SGSM1: variants seen among roughly 807,000 people sequenced by gnomAD.
The protein encoded by SGSM1 is RUN and TBC1 domain containing 2.
In SGSM1, 73 loss-of-function variants were observed where a neutral mutation model predicts 133.8. That is an observed-to-expected ratio of 0.55 (90% CI 0.45 to 0.66). The LOEUF is 0.66. Among genes scored for constraint, SGSM1 ranks in the 30% least tolerant of loss-of-function variants. The probability of loss-of-function intolerance (pLI) is 0.00; values close to 1 mark genes in which losing one functional copy is unlikely to be tolerated. For synonymous variants in SGSM1, 563 were observed against 573.0 expected (o/e 0.98, Z 0.25); for missense variants, 1,213 against 1,448.1 (o/e 0.84, Z 2.64).
chr22:24,853,769 A>ATT (rs57736929), intron 5 of SGSM1, among the ~76,000 whole-genome samples: 9,852 of 123,182 alleles, frequency 0.08, 974 homozygotes, highest in African/African-American at 0.24. Flanking sequence ...CGCCTGGTGA[A>ATT]TTTTTTTTTT....
intron 11 of SGSM1, 31 bp from the exon 12 acceptor site, chr22:24,868,692 A>G (rs1235549314): frequency 1.9e-6 from 3 of 1,613,098 alleles, no homozygotes; most frequent in African/African-American, 1.3e-5. Context: ...GATGTGTCCC[A>G]AGGACCTTGT....
chr22:24,818,833 A>G (rs1160926482), intron 2 of SGSM1, among the ~76,000 whole-genome samples: 3 of 152,054 alleles, frequency 2.0e-5, no homozygotes, highest in African/African-American at 4.8e-5. Context: ...AGTTCCAATA[A>G]TAATAGCTTT....
At chr22:24,886,345 G>C (rs888888158) in intron 15 of SGSM1, among the ~76,000 whole-genome samples, 4 of 149,968 alleles carry the variant, frequency 2.7e-5, no homozygotes, top group Non-Finnish European at 5.9e-5. Context: ...AGGTTGCAGT[G>C]AGCCAAGATC....
chr22:24,837,901 A>G (rs1460905532), intron 2 of SGSM1, among the ~76,000 whole-genome samples: 12 of 152,272 alleles, frequency 7.9e-5, no homozygotes, highest in Admixed American at 2.6e-4. Flanking sequence ...ATATTCATAT[A>G]TAATCATATC....
At chr22:24,913,910 A>T (rs1164472328) in intron 22 of SGSM1, among the ~76,000 whole-genome samples, 1 of 151,988 alleles carries the variant, frequency 6.6e-6, no homozygotes, top group Non-Finnish European at 1.5e-5. Context: ...TAATCCCAAC[A>T]CTTTGGGAGG....
At position 24,860,912 on chromosome 22, in the gene SGSM1, AAAAAAAAAAAATATATAT is replaced by A. The variant is rs1261331577; in HGVS notation, c.926+1074_926+1091del. Among the ~76,000 whole-genome samples the A allele has an allele frequency of 3.7e-3, 357 of 97,776 alleles. 10 individuals carry two copies. Among genetic ancestry groups the A allele is most frequent in the African/African-American group, 0.017 (346 of 20,706 alleles). 64.1% of individuals were successfully genotyped at this position (97,776 alleles called of 152,430 possible). A position where few individuals can be genotyped will look rare whatever the true frequency, so the allele number is the denominator to read the frequency against. Reference sequence around the variant, plus strand: ...GAGACTGTCTTAAAAAAAAAAAAAAAAAAAAAAAAAATATATATATATATATATATATATATAATTTTG... The same window carrying A: ...GAGACTGTCTTAAAAAAAAAAAAAAAATATATATATATATATATAATTTTG... On this transcript the variant is annotated intron_variant, in intron 9 of 24. Coordinates refer to ENST00000400358, the MANE Select transcript of SGSM1 (RefSeq NM_001098497.3).
chr22:24,852,310 T>C (rs1213849086), intron 5 of SGSM1, among the ~76,000 whole-genome samples: 2 of 152,226 alleles, frequency 1.3e-5, no homozygotes, highest in East Asian at 1.9e-4. Flanking sequence ...TTTTAACGCA[T>C]GTGTAGTTTC....
intron 16 of SGSM1, among the ~76,000 whole-genome samples, chr22:24,887,777 C>T (rs1932701971): frequency 1.3e-5 from 2 of 152,190 alleles, no homozygotes; most frequent in South Asian, 4.1e-4. Context: ...AGAAAATAAA[C>T]TACCACACTT....
chr22:24,816,982 G>A (rs1928128535), intron 2 of SGSM1, among the ~76,000 whole-genome samples: 1 of 152,182 alleles, frequency 6.6e-6, no homozygotes. Flanking sequence ...CAGTCACAGT[G>A]GGATGGATTG....
intron 2 of SGSM1, among the ~76,000 whole-genome samples, chr22:24,821,096 G>C (rs62232197): frequency 0.097 from 14,751 of 152,176 alleles, 1,073 homozygotes; most frequent in East Asian, 0.22. Flanking sequence ...GAGCGCAATG[G>C]CGTGATCTCG....
At chr22:24,808,173 G>A (rs1039553529) in intron 2 of SGSM1, among the ~76,000 whole-genome samples, 4 of 150,324 alleles carry the variant, frequency 2.7e-5, no homozygotes, top group Non-Finnish European at 4.4e-5. Context: ...GAGTACAGTG[G>A]CACAGTCTCC....
At chr22:24,865,428 G>A (rs1174267461) in intron 9 of SGSM1, among the ~76,000 whole-genome samples, 2 of 152,192 alleles carry the variant, frequency 1.3e-5, no homozygotes, top group African/African-American at 4.8e-5. Flanking sequence ...GTGAAGTCTG[G>A]TGAGGCTGAT....
intron 2 of SGSM1, among the ~76,000 whole-genome samples, chr22:24,839,615 G>A (rs1436369530): frequency 6.6e-6 from 1 of 152,012 alleles, no homozygotes; most frequent in Non-Finnish European, 1.5e-5. Context: ...TGTGGTCCTG[G>A]GCTTCTCATT....
intron 10 of SGSM1, 147 bp downstream of exon 10, chr22:24,867,307 G>A (rs937438912): frequency 2.4e-5 from 17 of 695,330 alleles, no homozygotes; most frequent in Middle Eastern, 2.6e-4. Context: ...CGACCTCACC[G>A]CTCTGTGCCT....
At chr22:24,823,476 C>G (rs542338705) in intron 2 of SGSM1, among the ~76,000 whole-genome samples, 42 of 152,042 alleles carry the variant, frequency 2.8e-4, no homozygotes, top group Non-Finnish European at 4.6e-4. Context: ...TGGCAGGTGC[C>G]TGTAGTCCCA....
chr22:24,908,628 C>T (rs1298020496), intron 21 of SGSM1, among the ~76,000 whole-genome samples: 1 of 152,054 alleles, frequency 6.6e-6, no homozygotes, highest in Non-Finnish European at 1.5e-5. Flanking sequence ...TGGTGAAACC[C>T]TGTCTCTACT....
chr22:24,841,338 T>TA (rs1310163923), intron 2 of SGSM1, among the ~76,000 whole-genome samples: 4 of 152,098 alleles, frequency 2.6e-5, no homozygotes, highest in South Asian at 2.1e-4. Context: ...ATCTCATTTT[T>TA]AAAAAAAATG....
chr22:24,862,101 T>C (rs1931190691), intron 9 of SGSM1, among the ~76,000 whole-genome samples: 1 of 151,990 alleles, frequency 6.6e-6, no homozygotes, highest in South Asian at 2.1e-4. Context: ...ATTACAGGCA[T>C]GCACCACCAT....
At chr22:24,916,409 G>A (rs1484371859) in intron 22 of SGSM1, among the ~76,000 whole-genome samples, 4 of 152,130 alleles carry the variant, frequency 2.6e-5, no homozygotes, top group Admixed American at 6.5e-5. Flanking sequence ...AACTTAGTTC[G>A]AGGCCAGGCA....
Sources: allele counts gnomAD v4.1 joint callset (sites outside exome capture counted in the v4.1 genomes callset), GRCh38; gene constraint gnomAD v4.1.1; transcripts MANE v1.5; gene names NCBI Gene and HGNC (gene_info 2026-07-23, HGNC 2026-07-21).